UBAP2: variants seen among roughly 807,000 people sequenced by gnomAD.
The protein encoded by UBAP2 is ubiquitin associated protein 2.
Under a neutral mutation model 139.6 loss-of-function variants are expected in UBAP2, and 75 were observed. That is an observed-to-expected ratio of 0.54 (90% CI 0.45 to 0.65). UBAP2 has a LOEUF of 0.65. Among genes scored for constraint, UBAP2 ranks in the 30% least tolerant of loss-of-function variants. The pLI, the probability that UBAP2 is intolerant of heterozygous loss-of-function variation, is 0.00. For synonymous variants in UBAP2, 526 were observed against 526.2 expected, an observed-to-expected ratio of 1.00 and a Z score of 0.01; for missense variants, 1,368 against 1,369.6, an observed-to-expected ratio of 1.00 and a Z score of 0.02.
chr9:33,937,730 A>G (rs1824691571), intron 16 of UBAP2, among the ~76,000 whole-genome samples: 1 of 150,464 alleles, frequency 6.6e-6, no homozygotes, highest in African/African-American at 2.5e-5. Context: ...AAACATGATG[A>G]AACCCCGTCT....
intron 22 of UBAP2, among the ~76,000 whole-genome samples, chr9:33,925,236 C>T (rs10971795): frequency 0.059 from 8,916 of 152,234 alleles, 879 homozygotes; most frequent in African/African-American, 0.2. Context: ...TCACACCCTC[C>T]AGGAAACCTC....
At chr9:33,938,719 C>T (rs1824813800) in intron 16 of UBAP2, among the ~76,000 whole-genome samples, 1 of 151,218 alleles carries the variant, frequency 6.6e-6, no homozygotes, top group African/African-American at 2.4e-5. Context: ...TCGCTTGAAC[C>T]CGGGAGGTGG....
intron 11 of UBAP2, among the ~76,000 whole-genome samples, chr9:33,954,140 C>G (rs1826337506): frequency 6.6e-6 from 1 of 152,090 alleles, no homozygotes; most frequent in African/African-American, 2.4e-5. Flanking sequence ...CTCCTGCTCT[C>G]AAGTGAGCTG....
chr9:33,949,722 T>C (rs307656), intron 12 of UBAP2, among the ~76,000 whole-genome samples: 91,967 of 151,968 alleles, frequency 0.61, 27,947 homozygotes, highest in East Asian at 0.77. Context: ...TGTGCGCGCA[T>C]GCACGCGCAC....
chr9:34,048,175 GTAT>G (rs1827778203), intron 1 of UBAP2, among the ~76,000 whole-genome samples: 1 of 152,174 alleles, frequency 6.6e-6, no homozygotes, highest in African/African-American at 2.4e-5. Context: ...TTTTGAGTAT[GTAT>G]TATTAACAGA....
chr9:33,960,242 CT>C (rs1436357344), intron 10 of UBAP2, among the ~76,000 whole-genome samples: 4 of 152,066 alleles, frequency 2.6e-5, no homozygotes, highest in African/African-American at 9.7e-5. Flanking sequence ...ACACCTCAAC[CT>C]TTTTTCTTGT....
In UBAP2 at chr9:34,013,876, C is replaced by CA. The variant is rs931938771; in HGVS notation, c.99+3173dup. ...TGGGCGACAGAGCGAGGCTCCATCT[C>CA]AAAAAAAAAAAGAAAGAAAAAAATT... On this transcript the variant is annotated intron_variant, in intron 2 of 28. Transcript: ENST00000379238. Among the ~76,000 whole-genome samples, 1,038 of 134,772 alleles carry CA rather than the reference C, an allele frequency of 7.7e-3. 10 individuals are homozygous for CA. Among genetic ancestry groups the CA allele is most frequent in the Non-Finnish European group, 9.0e-3 (562 of 62,350 alleles). 88.4% of individuals were successfully genotyped at this position (134,772 alleles called of 152,430 possible).
At chr9:33,977,959 G>A (rs967300531) in intron 6 of UBAP2, among the ~76,000 whole-genome samples, 2 of 146,518 alleles carry the variant, frequency 1.4e-5, no homozygotes, top group African/African-American at 2.5e-5. Context: ...AGGTTGCAGT[G>A]AGCCAAGATC....
At position 33,923,217 on chromosome 9, in the gene UBAP2, T is replaced by C. The variant is rs939145820; in HGVS notation, c.2973A>G (p.Pro991=). The stretch of plus-strand genomic sequence containing the variant: ...CAGGCCCAGAACCTGCAGACTTGTT[T>C]GGTGCCTGCGATGATCCAGCATAGC... ...KGGYAGSSQA[P]NKSAGSGPGK... The change falls in exon 26 of 29, where the codon CCA becomes CCG. Residue 991 remains proline (P), a synonymous_variant. Transcript: ENST00000379238. The C allele has an allele frequency of 6.2e-7, 1 of 1,614,082 alleles. No individual in the cohort carries two copies. The highest frequency in any genetic ancestry group is 1.3e-5 in the African/African-American group (1 of 74,938).
At chr9:34,014,456 C>A (rs531994251) in intron 2 of UBAP2, among the ~76,000 whole-genome samples, 108 of 151,672 alleles carry the variant, frequency 7.1e-4, no homozygotes, top group African/African-American at 2.5e-3. Context: ...TGGTGAAACC[C>A]TGTCTCTACT....
Position 33,941,833 on chromosome 9 carries a change from G to T in UBAP2, c.1745C>A (p.Thr582Asn). The change falls in exon 16 of 29, where the codon ACC (threonine) becomes AAC (asparagine). Residue 582 changes from threonine (T) to asparagine (N), a missense_variant. Thr to Asn is a moderately conservative substitution (Grantham distance 65). Coordinates refer to ENST00000379238, the MANE Select transcript of UBAP2 (RefSeq NM_001370062.2). ...ATATGTGGAGTTCTGTACTGCACTG[G>T]TCATTGATAAAGATGTATTCAAAGG... ...SEPLNTSLSM[T>N]SAVQNSTYTT... 6.2e-7 allele frequency: 1 copy of T among 1,613,644 alleles called. No homozygotes were observed. Among genetic ancestry groups the T allele is most frequent in the Non-Finnish European group, 8.5e-7 (1 of 1,179,832 alleles).
chr9:33,959,917 A>G (rs1210342341), intron 10 of UBAP2, among the ~76,000 whole-genome samples: 1 of 152,116 alleles, frequency 6.6e-6, no homozygotes, highest in East Asian at 1.9e-4. Context: ...AAAAAAATCA[A>G]TCCTACTTAA....
chr9:33,943,435 T>TACA lies in UBAP2; in HGVS notation c.1697_1699dup (p.Leu566dup), dbSNP rs1825400820. 1.2e-6 allele frequency: 2 copies of TACA among 1,614,084 alleles called. No homozygotes were observed. The highest frequency in any genetic ancestry group is 2.7e-5 in the African/African-American group (2 of 74,930). On this transcript the variant is annotated inframe_insertion, in exon 15 of 29. Transcript: ENST00000379238. The stretch of plus-strand genomic sequence containing the variant: ...AATTCAGTACCTTAAAGACTTCGAA[T>TACA]ACAAGCTGATGGGAATCTGATTACT...
intron 1 of UBAP2, among the ~76,000 whole-genome samples, chr9:34,038,143 GAAAAAAAAA>G (rs78650365): frequency 0.15 from 19,484 of 127,316 alleles, 1,653 homozygotes; most frequent in African/African-American, 0.25. Context: ...TCCAGCCTGG[GAAAAAAAAA>G]AAAAAAAAAA....
chr9:34,035,523 A>ATATATATATATATATATATATG (rs1826286562), intron 1 of UBAP2, among the ~76,000 whole-genome samples: 1 of 111,668 alleles, frequency 9.0e-6, no homozygotes, highest in Admixed American at 1.0e-4. Context: ...AAATATATAT[A>ATATATATATATATATATATATG]TATAAAGATT....
intron 1 of UBAP2, among the ~76,000 whole-genome samples, chr9:34,024,342 CAA>C (rs11464111): frequency 1.7e-3 from 240 of 144,504 alleles, no homozygotes; most frequent in Non-Finnish European, 1.9e-3. Flanking sequence ...AACTCTGTCT[CAA>C]AAAAAAAAAA....
intron 3 of UBAP2, 177 bp downstream of exon 3, chr9:33,998,610 C>G: frequency 1.8e-6 from 1 of 546,666 alleles, no homozygotes. Flanking sequence ...TCAATTCCTT[C>G]ACTTGCCCAC....
At chr9:33,982,286 C>CA (rs1564045470) in intron 6 of UBAP2, among the ~76,000 whole-genome samples, 1 of 152,086 alleles carries the variant, frequency 6.6e-6, no homozygotes, top group Non-Finnish European at 1.5e-5. Flanking sequence ...ACTCCACTAG[C>CA]AAAAAAGCTT....
At chr9:33,975,733 C>T (rs562474819) in intron 6 of UBAP2, among the ~76,000 whole-genome samples, 15 of 149,096 alleles carry the variant, frequency 1.0e-4, no homozygotes, top group Middle Eastern at 3.5e-3. Context: ...AACCCGGAGG[C>T]GGAGCTTGCA....
Sources: gnomAD v4.1 joint callset for allele counts (sites outside exome capture counted in the v4.1 genomes callset) on GRCh38, gnomAD v4.1.1 for gene constraint, MANE v1.5 for transcripts, NCBI Gene and HGNC (gene_info 2026-07-23, HGNC 2026-07-21) for gene names.